The following VPS13D variants were observed in gnomAD, a reference collection of about 807,000 sequenced individuals.
VPS13D encodes vacuolar protein sorting 13 homolog D, also known as intermembrane lipid transfer protein VPS13D.
Under a neutral mutation model 461.9 loss-of-function variants are expected in VPS13D, and 187 were observed. The ratio of observed to expected loss-of-function variants is 0.40; its 90% CI spans 0.36 to 0.46. The LOEUF (loss-of-function observed/expected upper bound fraction) is 0.46. Among genes scored for constraint, VPS13D ranks in the 20% least tolerant of loss-of-function variants. VPS13D has a pLI of 0.60. For synonymous variants in VPS13D, 1,951 were observed against 1,986.3 expected, an observed-to-expected ratio of 0.98 and a Z score of 0.47; for missense variants, 4,711 against 5,364.9, an observed-to-expected ratio of 0.88 and a Z score of 3.81.
intron 67 of VPS13D, among the ~76,000 whole-genome samples, chr1:12,472,149 G>C (rs961943914): frequency 2.6e-5 from 4 of 151,896 alleles, no homozygotes; most frequent in Non-Finnish European, 5.9e-5. Flanking sequence ...ATTTGTTTTG[G>C]TCTTTTTCTT....
intron 10 of VPS13D, among the ~76,000 whole-genome samples, chr1:12,259,342 A>C (rs1641029427): frequency 1.4e-5 from 2 of 143,096 alleles, no homozygotes; most frequent in South Asian, 2.2e-4. Flanking sequence ...TTGAGACAGG[A>C]TCTCCTTCTG....
chr1:12,358,573 A>T lies in VPS13D; in HGVS notation c.10113A>T (p.Gly3371=). ...GVRALKVIQQ[G]NRPGLIYNIG... is the part of the protein sequence containing the mutation. The stretch of plus-strand genomic sequence containing the variant: ...GAGCTTTGAAAGTCATCCAGCAAGG[A>T]AACCGCCCAGGGCTGATCTATAACA... The change falls in exon 50 of 70, where the codon GGA becomes GGT. Residue 3371 remains glycine, a synonymous_variant. Transcript: ENST00000620676. 1 of 1,613,328 alleles carries T rather than the reference A, an allele frequency of 6.2e-7. No homozygotes were observed. The highest frequency in any genetic ancestry group is 8.5e-7 in the Non-Finnish European group (1 of 1,179,288).
At chr1:12,243,923 G>A (rs780257631) in intron 3 of VPS13D, among the ~76,000 whole-genome samples, 1 of 152,124 alleles carries the variant, frequency 6.6e-6, no homozygotes, top group Non-Finnish European at 1.5e-5. Flanking sequence ...TGCGGGACCC[G>A]GGGAAGAAAG....
chr1:12,479,613 G>T (rs1484568791), intron 67 of VPS13D, among the ~76,000 whole-genome samples: 1 of 152,178 alleles, frequency 6.6e-6, no homozygotes, highest in African/African-American at 2.4e-5. Context: ...GAGGTAGTAA[G>T]GAAGGGAACC....
intron 22 of VPS13D, among the ~76,000 whole-genome samples, chr1:12,289,302 C>G (rs2101413895): frequency 6.6e-6 from 1 of 152,274 alleles, no homozygotes; most frequent in African/African-American, 2.4e-5. Context: ...AGACTGGTTT[C>G]AAACTCCTGG....
At chr1:12,251,709 T>C (rs1348242864) in intron 6 of VPS13D, among the ~76,000 whole-genome samples, 2 of 152,214 alleles carry the variant, frequency 1.3e-5, no homozygotes, top group Non-Finnish European at 2.9e-5. Context: ...TCACCAGACT[T>C]CTTTTTCTGA....
chr1:12,466,638 C>T (rs897984060), intron 67 of VPS13D, among the ~76,000 whole-genome samples: 18 of 151,806 alleles, frequency 1.2e-4, no homozygotes, highest in Non-Finnish European at 2.6e-4. Flanking sequence ...CAGATGAGTC[C>T]GGTACGCTGT....
intron 46 of VPS13D, among the ~76,000 whole-genome samples, chr1:12,353,612 A>G (rs1416036526): frequency 4.0e-5 from 6 of 151,746 alleles, no homozygotes; most frequent in Non-Finnish European, 1.5e-5. Flanking sequence ...ATGCAGTTCT[A>G]TAACAGAAAC....
chr1:12,498,225 A>G (rs1387246416), intron 68 of VPS13D, among the ~76,000 whole-genome samples: 1 of 152,186 alleles, frequency 6.6e-6, no homozygotes, highest in Non-Finnish European at 1.5e-5. Flanking sequence ...TATAACCTGA[A>G]TAGGTGTTAG....
chr1:12,278,482 CCAG>C, intron 19 of VPS13D, among the ~76,000 whole-genome samples: 1 of 152,204 alleles, frequency 6.6e-6, no homozygotes, highest in Middle Eastern at 3.4e-3. Context: ...ACCATGTTGG[CCAG>C]GCTGGTCTCG....
chr1:12,484,568 C>T (rs1645771212), intron 67 of VPS13D, among the ~76,000 whole-genome samples: 1 of 152,192 alleles, frequency 6.6e-6, no homozygotes, highest in Non-Finnish European at 1.5e-5. Context: ...CTTCCTCATC[C>T]ATAAAATGAA....
At chr1:12,253,598 T>G in intron 6 of VPS13D, 124 bp from the exon 7 acceptor site, 1 of 707,884 alleles carries the variant, frequency 1.4e-6, no homozygotes, top group African/African-American at 1.8e-5. Context: ...TTTAATTGAG[T>G]TATATGTCCA....
At position 12,373,425 on chromosome 1, in the gene VPS13D, T is replaced by C. The variant is rs564227865; in HGVS notation, c.10809-325T>C. ...CAGGAGCCACCGTGCCTGGCCAAAT[T>C]TTTTGCCTTTTTTTTTGGTGGGGGG... is the stretch of plus-strand genomic sequence containing the variant. On this transcript the variant is annotated intron_variant, in intron 54 of 69. Transcript: ENST00000620676. Among the ~76,000 whole-genome samples the C allele has an allele frequency of 6.6e-5, 10 of 152,044 alleles. No individual in the cohort carries two copies. The South Asian group carries it at 2.1e-3, about 32-fold the overall frequency.
chr1:12,255,827 G>A lies in VPS13D; in HGVS notation c.670-506G>A, dbSNP rs139262797. 5.5e-3 allele frequency among the ~76,000 whole-genome samples: 822 copies of A among 149,644 alleles called. 6 individuals are homozygous for A. Among genetic ancestry groups the A allele is most frequent in the Middle Eastern group, 0.01 (3 of 292 alleles). ...AATTGCTTAAACCGGGGAGTCGGAG[G>A]TTGCAGTGAGCCGAGATTGCATCAC... On this transcript the variant is annotated intron_variant, in intron 7 of 69. Transcript: ENST00000620676.
At chr1:12,295,529 A>C (rs1452750143) in intron 24 of VPS13D, among the ~76,000 whole-genome samples, 1 of 152,214 alleles carries the variant, frequency 6.6e-6, no homozygotes, top group Non-Finnish European at 1.5e-5. Flanking sequence ...ATGATAGAAA[A>C]TCTGGAAAAA....
At chr1:12,496,525 G>T (rs1195264383) in intron 67 of VPS13D, among the ~76,000 whole-genome samples, 1 of 152,204 alleles carries the variant, frequency 6.6e-6, no homozygotes, top group East Asian at 1.9e-4. Context: ...GATGTGTAAG[G>T]CTTCTCCTCT....
At chr1:12,386,965 T>A (rs376437849) in intron 60 of VPS13D, among the ~76,000 whole-genome samples, 1 of 152,166 alleles carries the variant, frequency 6.6e-6, no homozygotes, top group Non-Finnish European at 1.5e-5. Context: ...TCTATAGTTA[T>A]AGGATGGTAC....
At chr1:12,387,574 A>C (rs773535499) in intron 60 of VPS13D, among the ~76,000 whole-genome samples, 19 of 152,232 alleles carry the variant, frequency 1.2e-4, no homozygotes, top group Non-Finnish European at 2.8e-4. Flanking sequence ...TAATTGGTCA[A>C]AACTGATTCA....
At chr1:12,234,150 A>G in intron 1 of VPS13D, 41 bp from the exon 2 acceptor site, 1 of 742,180 alleles carries the variant, frequency 1.3e-6, no homozygotes, top group Non-Finnish European at 2.2e-6. Flanking sequence ...TTAGAAAATC[A>G]TCCTGTTTTT....
Sources: gnomAD v4.1 joint callset for allele counts (sites outside exome capture counted in the v4.1 genomes callset) on GRCh38, gnomAD v4.1.1 for gene constraint, MANE v1.5 for transcripts, NCBI Gene and HGNC (gene_info 2026-07-23, HGNC 2026-07-21) for gene names.